The following RBFOX1 variants were observed in gnomAD, a reference collection of about 807,000 sequenced individuals.
RBFOX1 encodes RNA binding protein fox-1 homolog 1.
Under a neutral mutation model 57.7 loss-of-function variants are expected in RBFOX1, and 8 were observed. That is an observed-to-expected ratio of 0.14 (90% CI 0.08 to 0.25). The LOEUF (loss-of-function observed/expected upper bound fraction) is 0.25, where lower values mean the gene tolerates loss of function less well. RBFOX1 is among the 10% of genes least tolerant of loss of function. The pLI, the probability that RBFOX1 is intolerant of heterozygous loss-of-function variation, is 1.00. For synonymous variants in RBFOX1, 326 were observed against 222.4 expected, an observed-to-expected ratio of 1.47 and a Z score of -4.15; for missense variants, 611 against 548.5, an observed-to-expected ratio of 1.11 and a Z score of -1.14.
chr16:6,652,416 C>A (rs576457453), intron 2 of RBFOX1, among the ~76,000 whole-genome samples: 25 of 151,944 alleles, frequency 1.6e-4, no homozygotes, highest in Middle Eastern at 3.4e-3. Context: ...CCACTGCACT[C>A]CAGTCTGGCG....
rs71145277 is a variant in RBFOX1 at position 6,692,635 on chromosome 16, ATT to A, written c.-16+37997_-16+37998del. On this transcript the variant is annotated intron_variant, in intron 3 of 15. Transcript: ENST00000550418. ...ACCATGCACTTTTCCATCCAAACAC[ATT>A]TTTTTTTTTTTACTGTTTCTTCCAC... 2.3e-3 allele frequency among the ~76,000 whole-genome samples: 342 copies of A among 148,320 alleles called. 1 individual carries two copies. The highest frequency in any genetic ancestry group is 8.3e-3 in the East Asian group (42 of 5,036).
intron 2 of RBFOX1, among the ~76,000 whole-genome samples, chr16:5,538,632 T>G (rs1360288608): frequency 6.6e-6 from 1 of 151,666 alleles, no homozygotes; most frequent in African/African-American, 2.4e-5. Context: ...TTTTTTTTTT[T>G]TTGTTTTTTT....
chr16:5,649,357 A>G (rs1306599462), intron 3 of RBFOX1, among the ~76,000 whole-genome samples: 2 of 152,128 alleles, frequency 1.3e-5, no homozygotes, highest in African/African-American at 4.8e-5. Flanking sequence ...TTTAGTACAG[A>G]CGGGGTTTCG....
intron 3 of RBFOX1, among the ~76,000 whole-genome samples, chr16:6,729,134 A>T (rs1461985176): frequency 6.6e-6 from 1 of 152,126 alleles, no homozygotes; most frequent in African/African-American, 2.4e-5. Context: ...TTTGTTCTTT[A>T]TATGATTTTG....
chr16:6,328,087 C>G (rs1470205308), intron 2 of RBFOX1, among the ~76,000 whole-genome samples: 1 of 152,144 alleles, frequency 6.6e-6, no homozygotes, highest in Non-Finnish European at 1.5e-5. Context: ...GACACAAACA[C>G]ACATAATGGA....
intron 2 of RBFOX1, among the ~76,000 whole-genome samples, chr16:6,563,108 G>C (rs1159681825): frequency 1.3e-5 from 2 of 151,928 alleles, no homozygotes; most frequent in East Asian, 3.9e-4. Context: ...TGTTTCCCCA[G>C]GCCCAAGTGC....
chr16:7,178,984 G>T (rs1214063787), intron 4 of RBFOX1, among the ~76,000 whole-genome samples: 1 of 152,158 alleles, frequency 6.6e-6, no homozygotes, highest in African/African-American at 2.4e-5. Flanking sequence ...TTCGGTGGCA[G>T]TGCATATGGC....
At chr16:7,672,760 G>C (rs943401781) in intron 13 of RBFOX1, among the ~76,000 whole-genome samples, 2 of 151,076 alleles carry the variant, frequency 1.3e-5, no homozygotes, top group Non-Finnish European at 2.9e-5. Context: ...CCAGCTACTC[G>C]GGAGGCTGAG....
rs1281297378 is a variant in RBFOX1 at position 7,518,346 on chromosome 16, G to T, written c.227G>T (p.Ser76Ile). The T allele has an allele frequency of 6.2e-7, 1 of 1,613,648 alleles. No individual in the cohort carries two copies. The highest frequency in any genetic ancestry group is 8.5e-7 in the Non-Finnish European group (1 of 1,179,760). The change falls in exon 5 of 16, where the codon AGC becomes ATC. Residue 76 changes from serine to isoleucine, a missense_variant. By Grantham distance (142) the Ser-to-Ile change is moderately radical. Coordinates refer to ENST00000550418, the MANE Select transcript of RBFOX1 (RefSeq NM_018723.4). ...YPPAQTHSEQ[S>I]PADTSAQTVS... The stretch of plus-strand genomic sequence containing the variant: ...CCCGCCCAGACGCACTCCGAGCAGA[G>T]CCCGGCGGACACGAGCGCTCAGACC...
intron 3 of RBFOX1, among the ~76,000 whole-genome samples, chr16:5,667,617 C>A (rs1047077879): frequency 1.3e-5 from 2 of 152,148 alleles, no homozygotes; most frequent in Non-Finnish European, 2.9e-5. Flanking sequence ...CTTGTATATT[C>A]GGGTTGAACA....
chr16:5,698,504 T>G (rs2050918183), intron 3 of RBFOX1, among the ~76,000 whole-genome samples: 1 of 152,206 alleles, frequency 6.6e-6, no homozygotes, highest in African/African-American at 2.4e-5. Context: ...CTAGTTTTTG[T>G]TTTTTGTACA....
At chr16:6,029,520 TC>T (rs1412571231) in intron 1 of RBFOX1, among the ~76,000 whole-genome samples, 1 of 152,144 alleles carries the variant, frequency 6.6e-6, no homozygotes, top group African/African-American at 2.4e-5. Context: ...ACGCCTGTAA[TC>T]CCAGCACTTT....
intron 1 of RBFOX1, among the ~76,000 whole-genome samples, chr16:5,276,551 G>A (rs531731980): frequency 5.9e-5 from 9 of 152,314 alleles, no homozygotes; most frequent in Admixed American, 2.0e-4. Flanking sequence ...TTGGGAGGCC[G>A]AGGCGGGTGT....
intron 6 of RBFOX1, among the ~76,000 whole-genome samples, chr16:7,585,492 C>G (rs372063993): frequency 2.0e-5 from 3 of 152,240 alleles, no homozygotes; most frequent in East Asian, 1.9e-4. Flanking sequence ...TCTTCCTATC[C>G]TTTGCTTCTC....
At chr16:7,309,142 G>C (rs546658815) in intron 4 of RBFOX1, among the ~76,000 whole-genome samples, 1 of 152,188 alleles carries the variant, frequency 6.6e-6, no homozygotes, top group South Asian at 2.1e-4. Flanking sequence ...AGGTCCCTCA[G>C]TCTCTTTCTA....
At chr16:7,569,571 T>G (rs545595755) in intron 5 of RBFOX1, among the ~76,000 whole-genome samples, 1 of 152,190 alleles carries the variant, frequency 6.6e-6, no homozygotes, top group Non-Finnish European at 1.5e-5. Context: ...GTCATGTGAT[T>G]AGCAACCTTA....
chr16:5,613,683 C>T (rs1005162737), intron 3 of RBFOX1, among the ~76,000 whole-genome samples: 1 of 152,122 alleles, frequency 6.6e-6, no homozygotes, highest in Non-Finnish European at 1.5e-5. Flanking sequence ...GTTTATGGGG[C>T]CAGGTTCCAT....
In RBFOX1 at chr16:5,862,050, T is replaced by C. The variant is rs376899302; in HGVS notation, c.319-5253T>C. Among the ~76,000 whole-genome samples, 583 of 152,260 alleles carry C rather than the reference T, an allele frequency of 3.8e-3. 5 individuals are homozygous for C. The highest frequency in any genetic ancestry group is 0.031 in the Middle Eastern group (9 of 292). On this transcript the variant is annotated intron_variant, in intron 3 of 19. Transcript: ENST00000641259. The stretch of plus-strand genomic sequence containing the variant: ...TTCTCTGTGTCTGGCCGAGGTGTCC[T>C]TACAGCTCAAAAACCTCCACATGTG...
intron 9 of RBFOX1, among the ~76,000 whole-genome samples, chr16:7,598,078 T>C (rs2094802445): frequency 6.6e-6 from 1 of 152,242 alleles, no homozygotes; most frequent in Non-Finnish European, 1.5e-5. Flanking sequence ...ATATGAGTTA[T>C]TAAAAATGTT....
Sources: gnomAD v4.1 joint callset for allele counts (sites outside exome capture counted in the v4.1 genomes callset) on GRCh38, gnomAD v4.1.1 for gene constraint, MANE v1.5 for transcripts, NCBI Gene and HGNC (gene_info 2026-07-23, HGNC 2026-07-21) for gene names.